The following RAPGEF2 variants were observed in gnomAD, a reference collection of about 807,000 sequenced individuals.
RAPGEF2 encodes the protein PDZ domain containing guanine nucleotide exchange factor (GEF) 1.
A neutral mutation model predicts 186.7 loss-of-function variants in RAPGEF2; 54 were observed. That is an observed-to-expected ratio of 0.29 (90% CI 0.23 to 0.36). RAPGEF2 has a LOEUF of 0.36. Ranked by LOEUF, RAPGEF2 falls within the 10% of genes least tolerant of loss-of-function variation. The pLI, the probability that RAPGEF2 is intolerant of heterozygous loss-of-function variation, is 1.00. For synonymous variants in RAPGEF2, 712 were observed against 705.9 expected (o/e 1.01, Z -0.14); for missense variants, 1,532 against 2,045.0 (o/e 0.75, Z 4.84).
intron 7 of RAPGEF2, among the ~76,000 whole-genome samples, chr4:159,292,721 G>A (rs1448469001): frequency 1.3e-5 from 2 of 152,040 alleles, no homozygotes; most frequent in East Asian, 3.9e-4. Context: ...CAATCAAGTA[G>A]GTGGCTTCTA....
At chr4:159,204,673 C>T (rs1337743378) in intron 3 of RAPGEF2, among the ~76,000 whole-genome samples, 1 of 152,126 alleles carries the variant, frequency 6.6e-6, no homozygotes, top group Non-Finnish European at 1.5e-5. Context: ...TAGAGTTTCT[C>T]GTTATAAACC....
chr4:159,286,833 CATTG>C (rs1760568893), intron 7 of RAPGEF2, among the ~76,000 whole-genome samples: 1 of 152,186 alleles, frequency 6.6e-6, no homozygotes. Context: ...CTCTGCCAAA[CATTG>C]ATTATTATAT....
At chr4:159,123,303 T>C (rs1379240152) in intron 1 of RAPGEF2, among the ~76,000 whole-genome samples, 3 of 152,218 alleles carry the variant, frequency 2.0e-5, no homozygotes, top group African/African-American at 7.2e-5. Flanking sequence ...TTTTTGGCTT[T>C]TGTGATGGAA....
chr4:159,339,471 A>C (rs1472400076), intron 19 of RAPGEF2, 117 bp downstream of exon 19: 9 of 1,317,422 alleles, frequency 6.8e-6, no homozygotes, highest in Non-Finnish European at 9.3e-6. Context: ...CTGCGATTAA[A>C]AAGTATTGTT....
chr4:159,162,414 C>G (rs1744809078), intron 1 of RAPGEF2, among the ~76,000 whole-genome samples: 1 of 149,830 alleles, frequency 6.7e-6, no homozygotes, highest in South Asian at 2.1e-4. Context: ...AAAAAAAGGT[C>G]TGGGAATCTT....
In RAPGEF2 at chr4:159,261,916, A is replaced by G. The variant is rs149085209; in HGVS notation, c.543+18125A>G. Among the ~76,000 whole-genome samples the G allele has an allele frequency of 3.3e-5, 5 of 152,242 alleles. No homozygotes were observed. In the East Asian group the frequency reaches 9.6e-4, roughly 29 times the overall value. The stretch of plus-strand genomic sequence containing the variant: ...AGTGACATTTTGATAATATTCATGT[A>G]GGTCTTTATATTTATTCCTGTAAAA... On this transcript the variant is annotated intron_variant, in intron 7 of 29. Transcript: ENST00000691494.
intron 4 of RAPGEF2, among the ~76,000 whole-genome samples, chr4:159,222,358 T>A (rs1450698144): frequency 6.6e-6 from 1 of 152,220 alleles, no homozygotes; most frequent in Non-Finnish European, 1.5e-5. Flanking sequence ...GTGTGTATAG[T>A]TGATGGAGTT....
chr4:159,140,597 T>C (rs542851235), intron 1 of RAPGEF2, among the ~76,000 whole-genome samples: 1 of 152,304 alleles, frequency 6.6e-6, no homozygotes, highest in South Asian at 2.1e-4. Flanking sequence ...ACCAAGGTAA[T>C]GTAGAAGACT....
chr4:159,143,095 G>A (rs936684220), intron 1 of RAPGEF2, among the ~76,000 whole-genome samples: 1 of 151,926 alleles, frequency 6.6e-6, no homozygotes, highest in Non-Finnish European at 1.5e-5. Flanking sequence ...TTTGTTGCTG[G>A]GCTTGGTGGC....
Position 159,104,489 on chromosome 4 carries a change from C to CGAGAGAGAGAGAGAGAGAGAGAGAGA in RAPGEF2, c.69+270_69+295dup, listed in dbSNP as rs553251268. 6.6e-4 allele frequency among the ~76,000 whole-genome samples: 59 copies of CGAGAGAGAGAGAGAGAGAGAGAGAGA among 88,784 alleles called. 4 individuals carry two copies. The highest frequency in any genetic ancestry group is 2.8e-3 in the South Asian group (6 of 2,172). 58.2% of individuals were successfully genotyped at this position (88,784 alleles called of 152,430 possible). Reference sequence around the variant, plus strand: ...GACCTTTCCCACTATGTTGCCCAGCCGAGAGAGAGAGAGAGAGAGAGAGAG... The same window carrying CGAGAGAGAGAGAGAGAGAGAGAGAGA: ...GACCTTTCCCACTATGTTGCCCAGCCGAGAGAGAGAGAGAGAGAGAGAGAGAGAGAGAGAGAGAGAGAGAGAGAGAG... On this transcript the variant is annotated intron_variant, in intron 1 of 29. Coordinates refer to ENST00000691494, the MANE Select transcript of RAPGEF2 (RefSeq NM_001394067.2).
intron 7 of RAPGEF2, among the ~76,000 whole-genome samples, chr4:159,273,163 G>A (rs1272629309): frequency 6.6e-6 from 1 of 152,174 alleles, no homozygotes; most frequent in Non-Finnish European, 1.5e-5. Flanking sequence ...TTCCTGAGAT[G>A]AAATAAACTT....
chr4:159,183,910 G>GT (rs1380530156), intron 1 of RAPGEF2, among the ~76,000 whole-genome samples: 1 of 152,104 alleles, frequency 6.6e-6, no homozygotes, highest in Non-Finnish European at 1.5e-5. Context: ...CCCCATGACA[G>GT]GCTCTGGTGT....
intron 1 of RAPGEF2, among the ~76,000 whole-genome samples, chr4:159,147,473 A>AG (rs960086663): frequency 9.9e-5 from 15 of 152,192 alleles, no homozygotes; most frequent in African/African-American, 3.4e-4. Context: ...TGACTACCCA[A>AG]GGTCATACAA....
At chr4:159,189,650 A>G (rs1258574642) in intron 2 of RAPGEF2, among the ~76,000 whole-genome samples, 1 of 152,198 alleles carries the variant, frequency 6.6e-6, no homozygotes, top group East Asian at 1.9e-4. Context: ...GTAGTAACCG[A>G]ATTATGGTTA....
At chr4:159,161,792 T>A (rs1286498417) in intron 1 of RAPGEF2, among the ~76,000 whole-genome samples, 2 of 152,244 alleles carry the variant, frequency 1.3e-5, no homozygotes, top group Non-Finnish European at 2.9e-5. Context: ...CTTATCTTCA[T>A]ACATATTAAA....
chr4:159,147,478 A>C (rs1427617174), intron 1 of RAPGEF2, among the ~76,000 whole-genome samples: 4 of 152,192 alleles, frequency 2.6e-5, no homozygotes, highest in Non-Finnish European at 5.9e-5. Context: ...ACCCAAGGTC[A>C]TACAATATCA....
chr4:159,342,561 ATTT>A (rs1729657701), intron 20 of RAPGEF2, among the ~76,000 whole-genome samples: 4 of 114,752 alleles, frequency 3.5e-5, no homozygotes, highest in Non-Finnish European at 7.2e-5. Context: ...ATATTATTTT[ATTT>A]TATTTTATTT....
intron 4 of RAPGEF2, among the ~76,000 whole-genome samples, chr4:159,238,109 C>T (rs541832599): frequency 2.0e-5 from 3 of 152,104 alleles, no homozygotes; most frequent in Non-Finnish European, 2.9e-5. Flanking sequence ...ATTCTCTGTT[C>T]TTAATTCTAG....
intron 9 of RAPGEF2, among the ~76,000 whole-genome samples, chr4:159,315,980 TC>T (rs1764545620): frequency 6.6e-6 from 1 of 151,906 alleles, no homozygotes; most frequent in Admixed American, 6.6e-5. Context: ...TTCTCTAAAC[TC>T]CCCCTGGGGA....
Sources: gnomAD v4.1 joint callset for allele counts (sites outside exome capture counted in the v4.1 genomes callset) on GRCh38, gnomAD v4.1.1 for gene constraint, MANE v1.5 for transcripts, NCBI Gene and HGNC (gene_info 2026-07-23, HGNC 2026-07-21) for gene names.